The following SMYD3 variants were observed in gnomAD, a reference collection of about 807,000 sequenced individuals.
SMYD3 encodes the protein SET and MYND domain containing 3.
In SMYD3, 36 loss-of-function variants were observed where a neutral mutation model predicts 57.7. The ratio of observed to expected loss-of-function variants is 0.62; its 90% CI spans 0.48 to 0.82. The LOEUF (loss-of-function observed/expected upper bound fraction) is 0.82, where lower values mean the gene tolerates loss of function less well. Ranked by LOEUF, SMYD3 falls within the 40% of genes least tolerant of loss-of-function variation. The pLI, the probability that SMYD3 is intolerant of heterozygous loss-of-function variation, is 0.00. For synonymous variants in SMYD3, 211 were observed against 195.0 expected (o/e 1.08, Z -0.68); for missense variants, 515 against 538.8 (o/e 0.96, Z 0.44).
At chr1:246,422,713 C>A (rs149799697) in intron 1 of SMYD3, among the ~76,000 whole-genome samples, 87 of 152,314 alleles carry the variant, frequency 5.7e-4, no homozygotes, top group African/African-American at 2.0e-3. Flanking sequence ...TGAGCCACTG[C>A]ACCTGGTTTA....
intron 10 of SMYD3, among the ~76,000 whole-genome samples, chr1:245,796,928 G>A (rs150603002): frequency 6.6e-6 from 1 of 152,232 alleles, no homozygotes; most frequent in Non-Finnish European, 1.5e-5. Flanking sequence ...TGTCAAAAAC[G>A]AAAGGCCATG....
chr1:246,119,126 T>C (rs1241538225), intron 5 of SMYD3, among the ~76,000 whole-genome samples: 1 of 152,102 alleles, frequency 6.6e-6, no homozygotes, highest in Non-Finnish European at 1.5e-5. Context: ...GCTAAAGCCA[T>C]CCTCTCGCCT....
intron 1 of SMYD3, among the ~76,000 whole-genome samples, chr1:246,428,455 A>G (rs2067251282): frequency 6.6e-6 from 1 of 152,250 alleles, no homozygotes; most frequent in Non-Finnish European, 1.5e-5. Context: ...AACAGTAACA[A>G]CAGCAAATAC....
At chr1:246,266,251 C>T (rs541050841) in intron 5 of SMYD3, among the ~76,000 whole-genome samples, 11 of 152,218 alleles carry the variant, frequency 7.2e-5, no homozygotes, top group African/African-American at 2.6e-4. Flanking sequence ...GGAAAGAACT[C>T]TATTGGGAAT....
intron 5 of SMYD3, among the ~76,000 whole-genome samples, chr1:246,068,461 G>T (rs903853546): frequency 6.6e-6 from 1 of 152,188 alleles, no homozygotes; most frequent in Non-Finnish European, 1.5e-5. Flanking sequence ...AAGTAATGAT[G>T]ATCTAAACCT....
chr1:245,903,180 A>T (rs2148619714), intron 8 of SMYD3, among the ~76,000 whole-genome samples: 1 of 152,308 alleles, frequency 6.6e-6, no homozygotes, highest in East Asian at 1.9e-4. Flanking sequence ...TGAAGAATTC[A>T]ATGAACAAAA....
At chr1:246,049,460 C>T (rs1446011556) in intron 5 of SMYD3, among the ~76,000 whole-genome samples, 7 of 127,136 alleles carry the variant, frequency 5.5e-5, no homozygotes, top group African/African-American at 2.6e-4. Flanking sequence ...CCACGCCTGG[C>T]TAATTTTTTT....
At chr1:246,416,051 T>C (rs1345877066) in intron 1 of SMYD3, among the ~76,000 whole-genome samples, 1 of 152,238 alleles carries the variant, frequency 6.6e-6, no homozygotes, top group East Asian at 1.9e-4. Flanking sequence ...TTAAAAGTAA[T>C]TAATATCTCC....
At chr1:245,785,423 G>C (rs570425808) in intron 10 of SMYD3, among the ~76,000 whole-genome samples, 1 of 152,196 alleles carries the variant, frequency 6.6e-6, no homozygotes, top group South Asian at 2.1e-4. Flanking sequence ...TCACTCACAT[G>C]GAAGGTTCTA....
At chr1:245,973,643 T>G (rs746742799) in intron 5 of SMYD3, among the ~76,000 whole-genome samples, 2 of 151,666 alleles carry the variant, frequency 1.3e-5, no homozygotes, top group African/African-American at 4.8e-5. Context: ...GCGAAAAGAG[T>G]TCTAGTGCAC....
intron 1 of SMYD3, among the ~76,000 whole-genome samples, chr1:246,468,197 T>G (rs1019171478): frequency 1.4e-5 from 2 of 146,834 alleles, no homozygotes; most frequent in Non-Finnish European, 3.0e-5. Context: ...CATGATGGAG[T>G]GGGATTCATC....
intron 10 of SMYD3, among the ~76,000 whole-genome samples, chr1:245,852,618 T>C (rs1236600474): frequency 9.2e-5 from 14 of 152,318 alleles, no homozygotes; most frequent in African/African-American, 2.9e-4. Context: ...AGTGGTGTAA[T>C]AAATATCTAC....
chr1:246,280,254 A>G (rs1471853170), intron 5 of SMYD3, among the ~76,000 whole-genome samples: 1 of 152,202 alleles, frequency 6.6e-6, no homozygotes, highest in African/African-American at 2.4e-5. Context: ...ACCAGCTAGG[A>G]AAAAAATAGG....
chr1:246,226,029 C>T (rs1169035042), intron 5 of SMYD3, among the ~76,000 whole-genome samples: 1 of 152,112 alleles, frequency 6.6e-6, no homozygotes, highest in African/African-American at 2.4e-5. Context: ...AGATCGGTTT[C>T]CATAATATGT....
chr1:245,767,421 G>A (rs2046163176), intron 10 of SMYD3, among the ~76,000 whole-genome samples: 1 of 152,182 alleles, frequency 6.6e-6, no homozygotes, highest in Non-Finnish European at 1.5e-5. Context: ...TGAGGCAAAT[G>A]AAATCATGAT....
chr1:246,046,260 T>C (rs1278795577), intron 5 of SMYD3, among the ~76,000 whole-genome samples: 3 of 151,938 alleles, frequency 2.0e-5, no homozygotes, highest in Non-Finnish European at 4.4e-5. Context: ...ATTAAGAAAA[T>C]GTGGCACATA....
intron 5 of SMYD3, among the ~76,000 whole-genome samples, chr1:246,188,645 G>C (rs977243368): frequency 1.3e-5 from 2 of 151,580 alleles, no homozygotes; most frequent in African/African-American, 4.8e-5. Flanking sequence ...TCGATTATAG[G>C]CCTACCCATA....
At chr1:246,226,061 G>A (rs1380061301) in intron 5 of SMYD3, among the ~76,000 whole-genome samples, 5 of 151,956 alleles carry the variant, frequency 3.3e-5, no homozygotes, top group African/African-American at 1.2e-4. Flanking sequence ...TTTTCACACT[G>A]TCTCCCAATC....
At position 246,086,639 on chromosome 1, in the gene SMYD3, C is replaced by G. The variant is rs185364741; in HGVS notation, c.532-156702G>C. On this transcript the variant is annotated intron_variant, in intron 5 of 11. Coordinates refer to ENST00000490107, the MANE Select transcript of SMYD3 (RefSeq NM_001167740.2). ...AATGACAACAACAACAAAAAAGCCT[C>G]AGAGAGAGAGAAGGGAAATCAATAT... Among the ~76,000 whole-genome samples, 319 of 151,606 alleles carry G rather than the reference C, an allele frequency of 2.1e-3. 4 individuals carry two copies. The highest frequency in any genetic ancestry group is 6.8e-3 in the Middle Eastern group (2 of 294).
Sources: allele counts gnomAD v4.1 joint callset (sites outside exome capture counted in the v4.1 genomes callset), GRCh38; gene constraint gnomAD v4.1.1; transcripts MANE v1.5; gene names NCBI Gene and HGNC (gene_info 2026-07-23, HGNC 2026-07-21).